The following SLC4A4 variants were observed in gnomAD, a reference collection of about 807,000 sequenced individuals.
SLC4A4 encodes the protein electrogenic sodium bicarbonate cotransporter 1.
A neutral mutation model predicts 111.5 loss-of-function variants in SLC4A4; 27 were observed. The ratio of observed to expected loss-of-function variants is 0.24; its 90% CI spans 0.18 to 0.33. SLC4A4 has a LOEUF of 0.33. Among genes scored for constraint, SLC4A4 ranks in the 10% least tolerant of loss-of-function variants. The pLI, the probability that SLC4A4 is intolerant of heterozygous loss-of-function variation, is 1.00. For synonymous variants in SLC4A4, 443 were observed against 463.4 expected (o/e 0.96, Z 0.57); for missense variants, 909 against 1,315.5 (o/e 0.69, Z 4.78).
intron 1 of SLC4A4, among the ~76,000 whole-genome samples, chr4:71,076,479 C>G (rs1741832519): frequency 6.6e-6 from 1 of 151,468 alleles, no homozygotes; most frequent in Admixed American, 6.6e-5. Flanking sequence ...TTGCAGTGAG[C>G]CAAGATTGCA....
At chr4:71,356,303 CT>C (rs894461326) in intron 5 of SLC4A4, among the ~76,000 whole-genome samples, 33 of 151,374 alleles carry the variant, frequency 2.2e-4, no homozygotes, top group Admixed American at 1.6e-3. Context: ...AGAAACTTTA[CT>C]TTTTTTTTGG....
chr4:71,431,167 G>A (rs540929815), intron 7 of SLC4A4, among the ~76,000 whole-genome samples: 1 of 152,022 alleles, frequency 6.6e-6, no homozygotes, highest in East Asian at 1.9e-4. Context: ...ACATTGCAGT[G>A]TAATAAAAAG....
intron 12 of SLC4A4, among the ~76,000 whole-genome samples, chr4:71,454,986 A>C (rs1272433648): frequency 2.0e-5 from 3 of 152,130 alleles, no homozygotes; most frequent in Non-Finnish European, 4.4e-5. Context: ...TACTCTCCAC[A>C]CGACTTCTCC....
Position 71,472,724 on chromosome 4 carries a change from T to C in SLC4A4, c.1657T>C (p.Phe553Leu). ...GGACAATAATTTTGACTATTTGGAG[T>C]TTCGCCTTTGGATTGGCCTGTGGTC... The part of the protein sequence containing the change: ...SKDNNFDYLE[F>L]RLWIGLWSAF... Residue 553 changes from phenylalanine (F) to leucine (L), a missense_variant, in exon 14 of 26, where the codon TTT (phenylalanine) becomes CTT (leucine). Phe to Leu is a conservative substitution (Grantham distance 22). Transcript: ENST00000264485. 1 of 1,612,872 alleles carries C rather than the reference T, an allele frequency of 6.2e-7. No individual in the cohort carries two copies. The highest frequency in any genetic ancestry group is 8.5e-7 in the Non-Finnish European group (1 of 1,179,278).
At chr4:71,332,237 A>G (rs1260198480) in intron 3 of SLC4A4, among the ~76,000 whole-genome samples, 2 of 151,768 alleles carry the variant, frequency 1.3e-5, no homozygotes, top group Admixed American at 1.3e-4. Context: ...TTGCTTTTCT[A>G]TAATAGTTCT....
intron 22 of SLC4A4, among the ~76,000 whole-genome samples, chr4:71,558,456 A>C (rs1736665143): frequency 6.6e-6 from 1 of 151,954 alleles, no homozygotes; most frequent in Admixed American, 6.6e-5. Context: ...TCATAGTATG[A>C]TGAGAAACAA....
chr4:71,242,456 C>T (rs1044133064), intron 2 of SLC4A4, among the ~76,000 whole-genome samples: 1 of 152,270 alleles, frequency 6.6e-6, no homozygotes, highest in East Asian at 1.9e-4. Context: ...CAAATCATTG[C>T]ATAGGTGAAG....
At chr4:71,431,979 T>G (rs75487006) in intron 7 of SLC4A4, among the ~76,000 whole-genome samples, 3,793 of 152,248 alleles carry the variant, frequency 0.025, 157 homozygotes, top group East Asian at 0.15. Flanking sequence ...AAAGCAAATG[T>G]TTGATACAGT....
At position 71,371,245 on chromosome 4, in the gene SLC4A4, C is replaced by CTTTTTTTTT. The variant is rs71213506; in HGVS notation, c.730+14068_730+14076dup. Among the ~76,000 whole-genome samples, 2 of 120,080 alleles carry CTTTTTTTTT rather than the reference C, an allele frequency of 1.7e-5. 1 individual carries two copies. The allele number at this position is 120,080 out of a possible 152,430, so 78.8% of individuals were successfully genotyped here. ...ATAAACTCTACCCTTCCAGGAATGC[C>CTTTTTTTTT]TTTTTTTTTTTTTTTTTTGGTACAG... On this transcript the variant is annotated intron_variant, in intron 6 of 25. Transcript: ENST00000264485.
At chr4:71,140,712 C>T (rs1214433599) in intron 2 of SLC4A4, among the ~76,000 whole-genome samples, 1 of 152,150 alleles carries the variant, frequency 6.6e-6, no homozygotes, top group African/African-American at 2.4e-5. Flanking sequence ...TTATTTCCTT[C>T]CTCATCATAT....
In SLC4A4 at chr4:71,152,227, C is replaced by A. The variant is rs533277148; in HGVS notation, c.-2+59435C>A. Reference sequence around the variant, plus strand: ...TATTCCCTTCTCACCAAGTGGTAACCATTATTCTAAATTTTGTGTTAATAT... The same window carrying A: ...TATTCCCTTCTCACCAAGTGGTAACAATTATTCTAAATTTTGTGTTAATAT... On this transcript the variant is annotated intron_variant, in intron 2 of 26. Coordinates refer to the SLC4A4 transcript ENST00000649996. Among the ~76,000 whole-genome samples the A allele has an allele frequency of 1.1e-4, 17 of 152,214 alleles. No individual in the cohort carries two copies. In the East Asian group the frequency reaches 1.9e-3, roughly 17 times the overall value.
At chr4:71,433,520 A>G (rs1330548038) in intron 7 of SLC4A4, among the ~76,000 whole-genome samples, 1 of 151,866 alleles carries the variant, frequency 6.6e-6, no homozygotes, top group Non-Finnish European at 1.5e-5. Flanking sequence ...TTTCTTGTAG[A>G]TTCTGGATAT....
chr4:71,439,435 C>CAAAAAAAAAAAAAAAA (rs56283596), intron 7 of SLC4A4, among the ~76,000 whole-genome samples: 5 of 34,182 alleles, frequency 1.5e-4, no homozygotes, highest in East Asian at 1.0e-3. Flanking sequence ...GACTCTGTCT[C>CAAAAAAAAAAAAAAAA]AAAAAAAAAA....
chr4:71,360,354 A>G (rs1187634649), intron 6 of SLC4A4, among the ~76,000 whole-genome samples: 1 of 151,724 alleles, frequency 6.6e-6, no homozygotes, highest in East Asian at 1.9e-4. Flanking sequence ...TTTTTTTTTG[A>G]CCATTTGTCT....
At chr4:71,101,217 C>T (rs1455564609) in intron 2 of SLC4A4, among the ~76,000 whole-genome samples, 3 of 152,096 alleles carry the variant, frequency 2.0e-5, no homozygotes, top group African/African-American at 7.2e-5. Flanking sequence ...TGAGATTGCG[C>T]CACTGCACTC....
chr4:71,567,850 A>G lies in SLC4A4; in HGVS notation c.*99A>G. On this transcript the variant is annotated 3_prime_UTR_variant, in exon 26 of 26. Transcript: ENST00000264485. ...AGAATAGAACTTGAACCTGAAGACA[A>G]TGATTATTTCTGGAGGAGCAAGGGA... is the stretch of plus-strand genomic sequence containing the variant. 2 of 1,547,154 alleles carry G rather than the reference A, an allele frequency of 1.3e-6. No homozygotes were observed. Among genetic ancestry groups the G allele is most frequent in the Middle Eastern group, 3.4e-4 (2 of 5,938 alleles).
chr4:71,361,967 G>A (rs1372560199), intron 6 of SLC4A4, among the ~76,000 whole-genome samples: 1 of 151,916 alleles, frequency 6.6e-6, no homozygotes, highest in East Asian at 1.9e-4. Context: ...TTTTTTAAAT[G>A]TACCATTTAA....
intron 6 of SLC4A4, among the ~76,000 whole-genome samples, chr4:71,382,021 C>A (rs1340084432): frequency 6.6e-6 from 1 of 152,104 alleles, no homozygotes; most frequent in East Asian, 1.9e-4. Context: ...ATTAAAGGAA[C>A]TGGAGAAAAG....
At chr4:71,086,481 C>A (rs909906588) in intron 1 of SLC4A4, among the ~76,000 whole-genome samples, 5 of 151,966 alleles carry the variant, frequency 3.3e-5, no homozygotes, top group Admixed American at 2.0e-4. Flanking sequence ...GTGTCTTGTG[C>A]CAGTTTTCAA....
Sources: gnomAD v4.1 joint callset for allele counts (sites outside exome capture counted in the v4.1 genomes callset) on GRCh38, gnomAD v4.1.1 for gene constraint, MANE v1.5 for transcripts, NCBI Gene and HGNC (gene_info 2026-07-23, HGNC 2026-07-21) for gene names.